The following CCDC196 variants were observed in gnomAD, a reference collection of about 807,000 sequenced individuals.
CCDC196 encodes coiled-coil domain containing 196, also known as coiled-coil domain-containing protein 196.
intron 7 of CCDC196, 105 bp downstream of exon 7, chr14:66,491,790 C>T (rs553804209): frequency 1.5e-5 from 6 of 412,272 alleles, no homozygotes; most frequent in South Asian, 1.4e-4. Flanking sequence ...CCTAGATTAC[C>T]GATTGCCCTG....
At chr14:66,492,544 G>A (rs2057567151) in intron 8 of CCDC196, among the ~76,000 whole-genome samples, 1 of 151,976 alleles carries the variant, frequency 6.6e-6, no homozygotes, top group Non-Finnish European at 1.5e-5. Context: ...GTTTCACCAT[G>A]TTGGCCAGGC....
At chr14:66,497,047 C>T (rs1566718586) in intron 8 of CCDC196, among the ~76,000 whole-genome samples, 6 of 152,126 alleles carry the variant, frequency 3.9e-5, no homozygotes, top group African/African-American at 1.2e-4. Flanking sequence ...TACACTTCAG[C>T]AGGTGCTGCT....
rs1375198445 is a variant in CCDC196, at chr14:66,495,607, A to G, written c.716-2502A>G. 3 of 152,220 alleles carry G rather than the reference A, an allele frequency of 2.0e-5. No individual in the cohort carries two copies. The South Asian group carries it at 6.2e-4, about 31-fold the overall frequency. The allele number at this position is 152,220 out of a possible 1,614,324, so 9.4% of individuals were successfully genotyped here. A position where few individuals can be genotyped will look rare whatever the true frequency, so the allele number is the denominator to read the frequency against. ...TTAACGTATAATCTTCTCAGTGAAG[A>G]AGCATACTCCTAAGGTTAATTTGTT... On this transcript the variant is annotated intron_variant, in intron 8 of 9. Transcript: ENST00000636229.
rs2139570198 is a variant in CCDC196 at position 66,486,666 on chromosome 14, A to T, written c.60A>T (p.Lys20Asn). The T allele has an allele frequency of 2.4e-6, 1 of 413,492 alleles. No individual in the cohort carries two copies. Among genetic ancestry groups the T allele is most frequent in the South Asian group, 1.3e-4 (1 of 7,846 alleles). The allele number at this position is 413,492 out of a possible 1,614,324, so 25.6% of individuals were successfully genotyped here. A position where few individuals can be genotyped will look rare whatever the true frequency, so the allele number is the denominator to read the frequency against. Residue 20 changes from lysine (K) to asparagine (N), a missense_variant, in exon 2 of 10, where the codon AAA (lysine) becomes AAT (asparagine). Lys to Asn is a moderately conservative substitution (Grantham distance 94, BLOSUM62 0). Transcript: ENST00000636229. ...GTGCCTCTTCCCACAGAAGTTCTAAAATAGATGACAACTACTTGAAGGAAT... is the reference window on the plus strand; with the variant it reads ...GTGCCTCTTCCCACAGAAGTTCTAATATAGATGACAACTACTTGAAGGAAT... ...SYLPSEIRSS[K>N]IDDNYLKELN...
At chr14:66,491,555 T>C in intron 6 of CCDC196, 71 bp from the exon 7 acceptor site, 2 of 413,258 alleles carry the variant, frequency 4.8e-6, no homozygotes. Context: ...ATAAGGCTTT[T>C]GCAGCATATT....
At chr14:66,493,785 T>G (rs2057598135) in intron 8 of CCDC196, 1 of 152,108 alleles carries the variant, frequency 6.6e-6, no homozygotes, top group Non-Finnish European at 1.5e-5. Flanking sequence ...TTGGACAGCA[T>G]AAAATTGGAA....
chr14:66,496,279 A>C, intron 8 of CCDC196: 2 of 456,294 alleles, frequency 4.4e-6, no homozygotes, highest in South Asian at 3.1e-5. Context: ...CTCTTAGCCA[A>C]GAATTCCTCC....
chr14:66,489,399 C>T (rs2057486428), intron 4 of CCDC196, among the ~76,000 whole-genome samples: 1 of 152,176 alleles, frequency 6.6e-6, no homozygotes, highest in Non-Finnish European at 1.5e-5. Context: ...GCCTTCTCCA[C>T]TGCCTGTAAT....
At chr14:66,488,564 T>C (rs1409236331) in intron 3 of CCDC196, among the ~76,000 whole-genome samples, 3 of 152,122 alleles carry the variant, frequency 2.0e-5, no homozygotes, top group Non-Finnish European at 4.4e-5. Context: ...CTATAAAGAA[T>C]AGAAAATACC....
chr14:66,494,542 T>G (rs1339184742), intron 8 of CCDC196: 1 of 152,234 alleles, frequency 6.6e-6, no homozygotes, highest in Non-Finnish European at 1.5e-5. Flanking sequence ...CATTGACTTC[T>G]TTAGTTTCCT....
intron 8 of CCDC196, 59 bp from the exon 9 acceptor site, chr14:66,498,050 G>GA: frequency 1.0e-5 from 4 of 394,734 alleles, no homozygotes; most frequent in Non-Finnish European, 1.8e-5. Context: ...CAAAACTAGT[G>GA]GTTTTTTTTT....
intron 8 of CCDC196, chr14:66,496,603 C>T (rs2057672596): frequency 3.1e-6 from 1 of 326,388 alleles, no homozygotes; most frequent in Admixed American, 3.9e-5. Flanking sequence ...GTAGGCCCTC[C>T]CTAACTTCTA....
At chr14:66,489,176 C>G in intron 4 of CCDC196, 139 bp downstream of exon 4, 1 of 407,508 alleles carries the variant, frequency 2.5e-6, no homozygotes, top group Non-Finnish European at 4.5e-6. Context: ...CTCTACACAG[C>G]AGCCAAGGTG....
At chr14:66,496,633 T>G (rs1216071009) in intron 8 of CCDC196, 1 of 252,014 alleles carries the variant, frequency 4.0e-6, no homozygotes, top group African/African-American at 2.2e-5. Flanking sequence ...GAAGGCAAGT[T>G]TGTGGACTTT....
At chr14:66,496,959 T>TAAGG (rs2057680869) in intron 8 of CCDC196, 1 of 152,244 alleles carries the variant, frequency 6.6e-6, no homozygotes, top group Non-Finnish European at 1.5e-5. Context: ...CTCTAACTCC[T>TAAGG]TCTGTTCTGA....
rs928896903 is a variant in CCDC196 at position 66,490,724 on chromosome 14, C to A, written c.352-18C>A. On this transcript the variant is annotated intron_variant, in intron 4 of 9. Coordinates refer to ENST00000636229, the MANE Select transcript of CCDC196 (RefSeq NM_001351576.1). ...AATTTCCACTACTTTAAAGCTTTGCCAAAATGTCTTTCCACAGACATTCGA... is the reference window on the plus strand; with the variant it reads ...AATTTCCACTACTTTAAAGCTTTGCAAAAATGTCTTTCCACAGACATTCGA... 4 of 399,064 alleles carry A rather than the reference C, an allele frequency of 1.0e-5. No individual in the cohort carries two copies. Among genetic ancestry groups the A allele is most frequent in the African/African-American group, 8.2e-5 (4 of 48,606 alleles). The allele number at this position is 399,064 out of a possible 1,614,324, so 24.7% of individuals were successfully genotyped here. A position where few individuals can be genotyped will look rare whatever the true frequency, so the allele number is the denominator to read the frequency against.
At chr14:66,496,593 G>A (rs2057672210) in intron 8 of CCDC196, 1 of 335,334 alleles carries the variant, frequency 3.0e-6, no homozygotes. Context: ...AGGGTGTATT[G>A]TAGGCCCTCC....
intron 6 of CCDC196, 112 bp from the exon 7 acceptor site, chr14:66,491,514 A>C (rs1313964374): frequency 2.4e-6 from 1 of 411,904 alleles, no homozygotes; most frequent in Non-Finnish European, 4.4e-6. Flanking sequence ...AAGTCAATTT[A>C]ATAGTAAATC....
At chr14:66,496,930 C>G (rs982158772) in intron 8 of CCDC196, 2 of 152,572 alleles carry the variant, frequency 1.3e-5, no homozygotes, top group Admixed American at 1.3e-4. Context: ...AATGAATACT[C>G]TTTGAGACCT....
Sources: gnomAD v4.1 joint callset for allele counts (sites outside exome capture counted in the v4.1 genomes callset) on GRCh38, gnomAD v4.1.1 for gene constraint, MANE v1.5 for transcripts, NCBI Gene and HGNC (gene_info 2026-07-23, HGNC 2026-07-21) for gene names.